Variants in MMP16 observed in about 807,000 individuals in gnomAD.
The protein encoded by MMP16 is matrix metallopeptidase 16.
In MMP16, 12 loss-of-function variants were observed where a neutral mutation model predicts 67.8. The observed-to-expected ratio is 0.18, with a 90% CI of 0.11 to 0.29. The LOEUF (loss-of-function observed/expected upper bound fraction) is 0.29. Among genes scored for constraint, MMP16 ranks in the 10% least tolerant of loss-of-function variants. The pLI is 1.00. For missense variants in MMP16, 475 were observed against 765.7 expected, an observed-to-expected ratio of 0.62 and a Z score of 4.48; for synonymous variants, 249 against 255.9, an observed-to-expected ratio of 0.97 and a Z score of 0.26.
intron 1 of MMP16, among the ~76,000 whole-genome samples, chr8:88,303,661 G>A (rs1019819715): frequency 6.6e-5 from 10 of 152,180 alleles, no homozygotes; most frequent in Non-Finnish European, 1.2e-4. Context: ...TTACCTCCAG[G>A]TACAGGAAAA....
At chr8:88,106,475 C>T (rs899049847) in intron 6 of MMP16, among the ~76,000 whole-genome samples, 3 of 151,208 alleles carry the variant, frequency 2.0e-5, no homozygotes, top group Admixed American at 6.6e-5. Context: ...TGTTTATGTA[C>T]ACAGCCTTTG....
chr8:88,203,005 G>C (rs1809367992), intron 1 of MMP16, among the ~76,000 whole-genome samples: 1 of 151,682 alleles, frequency 6.6e-6, no homozygotes. Context: ...CAGTTTCATT[G>C]ACACCAAAAA....
chr8:88,263,186 AT>A (rs1810418116), intron 1 of MMP16, among the ~76,000 whole-genome samples: 1 of 152,042 alleles, frequency 6.6e-6, no homozygotes, highest in African/African-American at 2.4e-5. Context: ...TAATAATGTC[AT>A]TTTCTATTGT....
chr8:88,097,266 T>C (rs1426522744), intron 6 of MMP16, among the ~76,000 whole-genome samples: 1 of 151,854 alleles, frequency 6.6e-6, no homozygotes, highest in African/African-American at 2.4e-5. Context: ...ATATTGATCC[T>C]CAGTATATAA....
At chr8:88,248,472 GTT>G (rs1810154940) in intron 1 of MMP16, among the ~76,000 whole-genome samples, 1 of 152,032 alleles carries the variant, frequency 6.6e-6, no homozygotes, top group African/African-American at 2.4e-5. Context: ...GTAAAAAAAA[GTT>G]TAAGAGATGT....
At chr8:88,046,303 T>C (rs1024856492) in intron 9 of MMP16, among the ~76,000 whole-genome samples, 5 of 152,214 alleles carry the variant, frequency 3.3e-5, no homozygotes, top group Admixed American at 1.3e-4. Context: ...CCAGATATAA[T>C]ACCTCGAGTG....
chr8:88,267,400 C>T (rs1810492052), intron 1 of MMP16, among the ~76,000 whole-genome samples: 1 of 152,230 alleles, frequency 6.6e-6, no homozygotes, highest in Non-Finnish European at 1.5e-5. Flanking sequence ...TTTGCTGTGA[C>T]TTCTGGGTAT....
At chr8:88,069,842 G>C (rs1330763524) in intron 7 of MMP16, among the ~76,000 whole-genome samples, 1 of 152,008 alleles carries the variant, frequency 6.6e-6, no homozygotes, top group Non-Finnish European at 1.5e-5. Context: ...GCTTTTATTA[G>C]CTTACAAATA....
chr8:88,054,488 A>C (rs1449004663), intron 8 of MMP16, among the ~76,000 whole-genome samples: 1 of 152,148 alleles, frequency 6.6e-6, no homozygotes, highest in Non-Finnish European at 1.5e-5. Context: ...AGTCTATTAC[A>C]TGGACATCCT....
At chr8:88,082,216 T>C (rs1808762897) in intron 6 of MMP16, among the ~76,000 whole-genome samples, 1 of 151,904 alleles carries the variant, frequency 6.6e-6, no homozygotes, top group Non-Finnish European at 1.5e-5. Context: ...TCAACTTCAC[T>C]CATAAGTAAA....
chr8:88,045,564 G>T (rs1277463175), intron 9 of MMP16, among the ~76,000 whole-genome samples: 1 of 151,908 alleles, frequency 6.6e-6, no homozygotes, highest in Non-Finnish European at 1.5e-5. Flanking sequence ...GTAGAGATGG[G>T]GGTGTCATCA....
intron 6 of MMP16, among the ~76,000 whole-genome samples, chr8:88,093,687 T>G (rs1322943481): frequency 1.3e-5 from 2 of 151,886 alleles, no homozygotes; most frequent in African/African-American, 4.8e-5. Context: ...GGATGATATT[T>G]TAAAATAACC....
intron 3 of MMP16, among the ~76,000 whole-genome samples, chr8:88,184,746 C>CAAAAAAAAAAAAAA (rs61606557): frequency 6.5e-4 from 31 of 47,480 alleles, no homozygotes; most frequent in African/African-American, 9.6e-4. Context: ...GGCCCTGTCT[C>CAAAAAAAAAAAAAA]AAAAAAAAAA....
At chr8:88,305,237 AGAG>A (rs1811194828) in intron 1 of MMP16, among the ~76,000 whole-genome samples, 1 of 152,242 alleles carries the variant, frequency 6.6e-6, no homozygotes, top group Non-Finnish European at 1.5e-5. Context: ...TTCAAAAAGA[AGAG>A]TTAACTATCC....
chr8:88,053,214 T>C (rs1209005998), intron 8 of MMP16, among the ~76,000 whole-genome samples: 5 of 152,176 alleles, frequency 3.3e-5, no homozygotes. Context: ...AAGGGTACTC[T>C]TGGGCTGTAA....
At chr8:88,119,346 G>A (rs1284758286) in intron 4 of MMP16, among the ~76,000 whole-genome samples, 3 of 151,954 alleles carry the variant, frequency 2.0e-5, no homozygotes, top group Non-Finnish European at 4.4e-5. Flanking sequence ...GCTGAGATTG[G>A]GACTCAAGAT....
chr8:88,112,611 T>C (rs1809355158), intron 6 of MMP16, among the ~76,000 whole-genome samples: 2 of 151,344 alleles, frequency 1.3e-5, no homozygotes. Context: ...TGGTTTACAT[T>C]CTCTAAGGAT....
intron 1 of MMP16, among the ~76,000 whole-genome samples, chr8:88,203,605 C>A (rs541387129): frequency 1.8e-4 from 27 of 152,288 alleles, no homozygotes; most frequent in African/African-American, 5.3e-4. Context: ...GTCACCTCAA[C>A]AGGCACAATA....
chr8:88,138,095 G>GT (rs80027736), intron 4 of MMP16, among the ~76,000 whole-genome samples: 11,466 of 151,710 alleles, frequency 0.076, 455 homozygotes, highest in East Asian at 0.16. Flanking sequence ...GTGTGTATGT[G>GT]TTTTTTTTCC....
Sources: allele counts gnomAD v4.1 joint callset (sites outside exome capture counted in the v4.1 genomes callset), GRCh38; gene constraint gnomAD v4.1.1; transcripts MANE v1.5; gene names NCBI Gene and HGNC (gene_info 2026-07-23, HGNC 2026-07-21).